The following BAZ2B variants were observed in gnomAD, a reference collection of about 807,000 sequenced individuals.
BAZ2B encodes the protein bromodomain adjacent to zinc finger domain protein 2B.
Under a neutral mutation model 246.0 loss-of-function variants are expected in BAZ2B, and 91 were observed. The observed-to-expected ratio is 0.37, with a 90% CI of 0.31 to 0.44. BAZ2B has a LOEUF of 0.44. Among genes scored for constraint, BAZ2B ranks in the 20% least tolerant of loss-of-function variants. The probability of loss-of-function intolerance (pLI) is 1.00; values close to 1 mark genes in which losing one functional copy is unlikely to be tolerated. For missense variants in BAZ2B, 2,332 were observed against 2,533.7 expected (o/e 0.92, Z 1.71); for synonymous variants, 855 against 860.0 (o/e 0.99, Z 0.10).
intron 1 of BAZ2B, among the ~76,000 whole-genome samples, chr2:159,588,460 G>C (rs544536571): frequency 6.6e-6 from 1 of 151,864 alleles, no homozygotes; most frequent in Non-Finnish European, 1.5e-5. Flanking sequence ...GGAGTTGGAG[G>C]CTGCAGTGGG....
intron 2 of BAZ2B, among the ~76,000 whole-genome samples, chr2:159,530,015 A>C (rs1452623598): frequency 6.6e-6 from 1 of 152,196 alleles, no homozygotes; most frequent in East Asian, 1.9e-4. Flanking sequence ...TTTCAACTCT[A>C]ACTTTTCAAA....
At chr2:159,456,734 C>T (rs2075819965) in intron 3 of BAZ2B, among the ~76,000 whole-genome samples, 1 of 152,100 alleles carries the variant, frequency 6.6e-6, no homozygotes, top group African/African-American at 2.4e-5. Context: ...TGGAAAGCAT[C>T]CTTAGTGACG....
At chr2:159,577,894 T>G (rs1424841511) in intron 1 of BAZ2B, among the ~76,000 whole-genome samples, 2 of 152,156 alleles carry the variant, frequency 1.3e-5, no homozygotes, top group East Asian at 3.8e-4. Flanking sequence ...TTATTCAACA[T>G]GAGAAAAGAA....
chr2:159,580,963 C>G (rs1223761203), intron 1 of BAZ2B, among the ~76,000 whole-genome samples: 1 of 152,126 alleles, frequency 6.6e-6, no homozygotes. Flanking sequence ...TCATAAAAAT[C>G]CTAGAAGAAA....
chr2:159,573,707 C>A (rs1375640013), intron 1 of BAZ2B, among the ~76,000 whole-genome samples: 2 of 152,138 alleles, frequency 1.3e-5, no homozygotes, highest in African/African-American at 2.4e-5. Context: ...AGTGAAAAGA[C>A]AACCTACAGA....
At chr2:159,624,477 C>T in the BAZ2B span, among the ~76,000 whole-genome samples, 31 of 152,254 alleles carry the variant, frequency 2.0e-4, no homozygotes, top group African/African-American at 6.0e-4. Flanking sequence ...CCCTCTGGGA[C>T]GAAGCTTCCA....
chr2:159,536,249 G>C (rs2085972318), intron 2 of BAZ2B: 1 of 151,908 alleles, frequency 6.6e-6, no homozygotes, highest in Non-Finnish European at 1.5e-5. Context: ...TTTTTTTAAG[G>C]CTAGTCAAGC....
intron 25 of BAZ2B, among the ~76,000 whole-genome samples, 189 bp downstream of exon 25, chr2:159,382,370 G>T (rs950556244): frequency 2.6e-5 from 4 of 152,104 alleles, no homozygotes; most frequent in African/African-American, 9.7e-5. Flanking sequence ...CATTCTACAA[G>T]ATATTTACAT....
chr2:159,691,973 C>A, the BAZ2B span, among the ~76,000 whole-genome samples: 1 of 152,158 alleles, frequency 6.6e-6, no homozygotes, highest in Non-Finnish European at 1.5e-5. Context: ...CTGCATCATT[C>A]TGCTTGCTTA....
At chr2:159,627,340 C>A in the BAZ2B span, among the ~76,000 whole-genome samples, 1 of 149,604 alleles carries the variant, frequency 6.7e-6, no homozygotes, top group African/African-American at 2.5e-5. Flanking sequence ...ATCCTGATAC[C>A]AAAACCTGGC....
At chr2:159,625,586 A>G in the BAZ2B span, among the ~76,000 whole-genome samples, 1 of 152,210 alleles carries the variant, frequency 6.6e-6, no homozygotes, top group African/African-American at 2.4e-5. Context: ...TAAGCTTCAA[A>G]AGCAAAGGAG....
At chr2:159,484,817 C>T (rs1270911580) in intron 2 of BAZ2B, among the ~76,000 whole-genome samples, 2 of 151,636 alleles carry the variant, frequency 1.3e-5, no homozygotes, top group Admixed American at 6.6e-5. Flanking sequence ...TGCCATATAC[C>T]GTCAAGAAAA....
chr2:159,633,417 C>A, the BAZ2B span, among the ~76,000 whole-genome samples: 9,941 of 152,210 alleles, frequency 0.065, 454 homozygotes, highest in East Asian at 0.23. Context: ...GAATACATAT[C>A]CTCAGTGTGT....
rs777613134 is a variant in BAZ2B, at chr2:159,349,109, C to T, written c.5035G>A (p.Glu1679Lys). Residue 1679 changes from glutamate (E) to lysine (K), a missense_variant, in exon 29 of 37, where the codon GAA becomes AAA. Physicochemically the swap from Glu to Lys is moderately conservative, Grantham distance 56 (BLOSUM62 1). Around this residue, in one of 9 missense-constraint regions of BAZ2B, gnomAD observed 676 missense variants for 668.6 expected, o/e 1.01. Coordinates refer to ENST00000392783, the MANE Select transcript of BAZ2B (RefSeq NM_013450.4). ...TTTTCATTCTGTGGTACTGGAGATT[C>T]ACTTTTACTTGAAGCAACATTGGAA... ...LTSNVASSKSESPVPQNEKAT... is the reference protein window; with the variant it reads ...LTSNVASSKSKSPVPQNEKAT... The T allele has an allele frequency of 6.2e-7, 1 of 1,613,936 alleles. No homozygotes were observed. The highest frequency in any genetic ancestry group is 1.7e-5 in the Admixed American group (1 of 59,982).
chr2:159,656,910 G>C, the BAZ2B span, among the ~76,000 whole-genome samples: 6 of 152,042 alleles, frequency 3.9e-5, no homozygotes, highest in African/African-American at 1.4e-4. Context: ...TACGTATTTT[G>C]CAAATATTTT....
At chr2:159,659,996 A>G in the BAZ2B span, among the ~76,000 whole-genome samples, 1 of 152,234 alleles carries the variant, frequency 6.6e-6, no homozygotes, top group Non-Finnish European at 1.5e-5. Context: ...TTTGAAGTGT[A>G]CAATTCAGTG....
chr2:159,702,555 G>A, the BAZ2B span, among the ~76,000 whole-genome samples: 1 of 151,950 alleles, frequency 6.6e-6, no homozygotes, highest in Non-Finnish European at 1.5e-5. Flanking sequence ...ATTATTATCA[G>A]TAATAACAAA....
chr2:159,691,588 A>G, the BAZ2B span, among the ~76,000 whole-genome samples: 4 of 152,224 alleles, frequency 2.6e-5, no homozygotes, highest in Admixed American at 6.5e-5. Context: ...AGGCATCTGC[A>G]GCTGCACACC....
At position 159,386,335 on chromosome 2, in the gene BAZ2B, T is replaced by C. The variant is rs769405094; in HGVS notation, c.3471+18A>G. 6.3e-6 allele frequency: 10 copies of C among 1,593,496 alleles called. No homozygotes were observed. The African/African-American group carries it at 1.4e-4, about 22-fold the overall frequency. On this transcript the variant is annotated intron_variant, in intron 22 of 36. Transcript: ENST00000392783. ...GACAGTACAAATTTAAAACATTTTA[T>C]ATTTTGTTTTTTTTTACCTTGTATC...
Sources: gnomAD v4.1 joint callset for allele counts (sites outside exome capture counted in the v4.1 genomes callset) on GRCh38, gnomAD v4.1.1 for gene constraint, gnomAD v4.1.1 regional missense constraint, MANE v1.5 for transcripts, NCBI Gene and HGNC (gene_info 2026-07-23, HGNC 2026-07-21) for gene names.